The following PALLD variants were observed in gnomAD, a reference collection of about 807,000 sequenced individuals.
The protein encoded by PALLD is palladin, cytoskeletal associated protein, also known as palladin.
A neutral mutation model predicts 123.5 loss-of-function variants in PALLD; 61 were observed. That is an observed-to-expected ratio of 0.49 (90% CI 0.40 to 0.61). The LOEUF is 0.61. Among genes scored for constraint, PALLD ranks in the 20% least tolerant of loss-of-function variants. PALLD has a pLI of 0.00. For synonymous variants in PALLD, 465 were observed against 496.4 expected, an observed-to-expected ratio of 0.94 and a Z score of 0.84; for missense variants, 1,273 against 1,377.0, an observed-to-expected ratio of 0.92 and a Z score of 1.20.
intron 2 of PALLD, among the ~76,000 whole-genome samples, chr4:168,588,473 C>T (rs1771070201): frequency 6.6e-6 from 1 of 152,022 alleles, no homozygotes. Flanking sequence ...GCGTGCTCAC[C>T]TCACTTCATC....
intron 10 of PALLD, among the ~76,000 whole-genome samples, chr4:168,728,681 G>C (rs1204718925): frequency 6.6e-6 from 1 of 151,810 alleles, no homozygotes; most frequent in Non-Finnish European, 1.5e-5. Flanking sequence ...TTTTCCTTTT[G>C]GATGCCTTTT....
rs989617537 is a variant in PALLD at position 168,928,199 on chromosome 4, C to CCTAT, written c.*2022_*2025dup. 1.4e-4 allele frequency: 27 copies of CCTAT among 186,552 alleles called. No individual in the cohort carries two copies. Among genetic ancestry groups the CCTAT allele is most frequent in the East Asian group, 1.4e-3 (16 of 11,552 alleles). 11.6% of individuals were successfully genotyped at this position (186,552 alleles called of 1,614,324 possible). ...GATACCATACACAGTCTCTCATGGA[C>CCTAT]CTATCTCTATTGTAGAATTATGACT... On this transcript the variant is annotated 3_prime_UTR_variant, in exon 22 of 22. Transcript: ENST00000505667.
At chr4:168,584,875 G>A (rs1411226126) in intron 2 of PALLD, among the ~76,000 whole-genome samples, 1 of 152,156 alleles carries the variant, frequency 6.6e-6, no homozygotes, top group East Asian at 1.9e-4. Flanking sequence ...CTAGGCCAAT[G>A]GTGAGCAAAA....
chr4:168,620,170 T>A lies in PALLD; in HGVS notation c.909-48020T>A, dbSNP rs535776707. On this transcript the variant is annotated intron_variant, in intron 2 of 21. Transcript: ENST00000505667. Reference sequence around the variant, plus strand: ...CTTTAATGGTATTTCAATAAAAAATTATCTGGCTGGGCCCAGTGGCTCACG... The same window carrying A: ...CTTTAATGGTATTTCAATAAAAAATAATCTGGCTGGGCCCAGTGGCTCACG... Among the ~76,000 whole-genome samples, 11 of 152,310 alleles carry A rather than the reference T, an allele frequency of 7.2e-5. No homozygotes were observed. The South Asian group carries it at 2.3e-3, about 32-fold the overall frequency.
intron 2 of PALLD, among the ~76,000 whole-genome samples, chr4:168,658,284 G>GTTTTTTTTT (rs755942969): frequency 1.3e-4 from 16 of 120,738 alleles, no homozygotes; most frequent in South Asian, 2.6e-4. Context: ...GTTTTTATTT[G>GTTTTTTTTT]GTTTTTTTTT....
chr4:168,788,250 G>A (rs1454687669), intron 10 of PALLD, among the ~76,000 whole-genome samples: 12 of 151,934 alleles, frequency 7.9e-5, no homozygotes, highest in Non-Finnish European at 1.6e-4. Flanking sequence ...TCTTTCCTTA[G>A]AAAAATGTGT....
chr4:168,555,743 A>G (rs1767215956), intron 2 of PALLD, among the ~76,000 whole-genome samples: 1 of 152,228 alleles, frequency 6.6e-6, no homozygotes, highest in Admixed American at 6.5e-5. Context: ...AATGCAGTTC[A>G]TTCCAAAGCA....
intron 2 of PALLD, among the ~76,000 whole-genome samples, chr4:168,606,498 C>G (rs2149745041): frequency 6.6e-6 from 1 of 152,066 alleles, no homozygotes; most frequent in South Asian, 2.1e-4. Context: ...CACGGTGAAA[C>G]CCCGTCTCTA....
chr4:168,620,419 C>T (rs943074128), intron 2 of PALLD, among the ~76,000 whole-genome samples: 12 of 152,156 alleles, frequency 7.9e-5, no homozygotes, highest in African/African-American at 2.7e-4. Context: ...CGCACCACCG[C>T]ACTGCAACCT....
chr4:168,922,928 G>A (rs960911428), intron 18 of PALLD, among the ~76,000 whole-genome samples: 93 of 152,164 alleles, frequency 6.1e-4, no homozygotes, highest in African/African-American at 2.1e-3. Flanking sequence ...CCCGGCTCTT[G>A]TCGATTTTAC....
At chr4:168,740,539 A>G (rs990544216) in intron 10 of PALLD, among the ~76,000 whole-genome samples, 1 of 152,208 alleles carries the variant, frequency 6.6e-6, no homozygotes, top group South Asian at 2.1e-4. Flanking sequence ...TTCTTAGTCA[A>G]TCTTGCAGGC....
intron 2 of PALLD, among the ~76,000 whole-genome samples, chr4:168,566,664 C>A (rs972761308): frequency 5.9e-5 from 9 of 152,104 alleles, no homozygotes; most frequent in African/African-American, 2.2e-4. Context: ...CATGAAGATA[C>A]AAACATGTTC....
At chr4:168,547,766 T>G (rs1766298607) in intron 2 of PALLD, among the ~76,000 whole-genome samples, 1 of 151,132 alleles carries the variant, frequency 6.6e-6, no homozygotes, top group Admixed American at 6.6e-5. Context: ...GCCAACATGG[T>G]GAAACCCCAT....
Position 168,862,277 on chromosome 4 carries a change from T to C in PALLD, c.1965-28645T>C, listed in dbSNP as rs986360501. 3.3e-5 allele frequency among the ~76,000 whole-genome samples: 5 copies of C among 151,886 alleles called. No individual in the cohort carries two copies. In the East Asian group the frequency reaches 9.7e-4, roughly 29 times the overall value. ...GTTCTCCTGGGCTCAAGCAAGTAGC[T>C]GGGACTACAGACTCACACCATCACA... is the stretch of plus-strand genomic sequence containing the variant. On this transcript the variant is annotated intron_variant, in intron 10 of 21. Coordinates refer to ENST00000505667, the MANE Select transcript of PALLD (RefSeq NM_001166108.2).
At chr4:168,829,356 C>T (rs1449993803) in intron 10 of PALLD, 2 of 152,266 alleles carry the variant, frequency 1.3e-5, no homozygotes, top group South Asian at 2.1e-4. Flanking sequence ...AAAGGAAGTG[C>T]GTATGTCTTC....
intron 10 of PALLD, among the ~76,000 whole-genome samples, chr4:168,716,260 C>A (rs757678241): frequency 6.6e-6 from 1 of 152,076 alleles, no homozygotes; most frequent in Non-Finnish European, 1.5e-5. Context: ...AAGGGTGATG[C>A]GATGGGCAAG....
rs1465615368 is a variant in PALLD at position 168,883,062 on chromosome 4, C to T, written c.1965-7860C>T. On this transcript the variant is annotated intron_variant, in intron 10 of 21. Coordinates refer to ENST00000505667, the MANE Select transcript of PALLD (RefSeq NM_001166108.2). The stretch of plus-strand genomic sequence containing the variant: ...CTGAGATTGCGCCATTGCATTCCAG[C>T]CTGGTGACAGAGCAAAACTCTGTCT... 2.7e-5 allele frequency among the ~76,000 whole-genome samples: 4 copies of T among 148,198 alleles called. No homozygotes were observed. The Admixed American group carries it at 2.7e-4, about 10-fold the overall frequency.
intron 2 of PALLD, among the ~76,000 whole-genome samples, chr4:168,592,316 G>A (rs574293581): frequency 5.5e-4 from 84 of 152,002 alleles, no homozygotes; most frequent in Non-Finnish European, 1.1e-3. Flanking sequence ...GAGCCACCAC[G>A]CCCAGCCTAT....
chr4:168,531,220 T>C (rs2245500), intron 2 of PALLD, among the ~76,000 whole-genome samples: 63,621 of 151,960 alleles, frequency 0.42, 14,465 homozygotes, highest in African/African-American at 0.6. Context: ...TGTCAGAATG[T>C]TTGGTAATAA....
Sources: gnomAD v4.1 joint callset for allele counts (sites outside exome capture counted in the v4.1 genomes callset) on GRCh38, gnomAD v4.1.1 for gene constraint, MANE v1.5 for transcripts, NCBI Gene and HGNC (gene_info 2026-07-23, HGNC 2026-07-21) for gene names.